Variants in KCNJ6 observed in about 807,000 individuals in gnomAD.
KCNJ6 encodes the protein potassium inwardly rectifying channel subfamily J member 6, also known as G protein-activated inward rectifier potassium channel 2.
A neutral mutation model predicts 34.2 loss-of-function variants in KCNJ6; 9 were observed. The ratio of observed to expected loss-of-function variants is 0.26; its 90% CI spans 0.16 to 0.46. The LOEUF (loss-of-function observed/expected upper bound fraction) is 0.46. KCNJ6 is among the 20% of genes least tolerant of loss of function. The pLI is 1.00. For synonymous variants in KCNJ6, 196 were observed against 207.1 expected (o/e 0.95, Z 0.46); for missense variants, 236 against 531.3 (o/e 0.44, Z 5.46).
intron 1 of KCNJ6, among the ~76,000 whole-genome samples, chr21:37,904,269 T>G (rs1206859596): frequency 1.3e-5 from 2 of 152,198 alleles, no homozygotes; most frequent in Non-Finnish European, 2.9e-5. Context: ...ATTATCCCAG[T>G]GGCCAAGATA....
At chr21:37,666,452 T>C (rs2054514122) in intron 3 of KCNJ6, among the ~76,000 whole-genome samples, 1 of 152,094 alleles carries the variant, frequency 6.6e-6, no homozygotes, top group Non-Finnish European at 1.5e-5. Context: ...GCAAGTCACC[T>C]TGCCTCTCTG....
chr21:37,625,513 A>C, intron 3 of KCNJ6, 29 bp from the exon 4 acceptor site: 1 of 1,561,366 alleles, frequency 6.4e-7, no homozygotes, highest in African/African-American at 1.4e-5. Context: ...AGGCTTTAGC[A>C]TATGTAAGTG....
intron 1 of KCNJ6, among the ~76,000 whole-genome samples, chr21:37,852,292 T>C (rs542664029): frequency 1.1e-3 from 169 of 152,266 alleles, no homozygotes; most frequent in African/African-American, 3.9e-3. Flanking sequence ...GTTCTGGTAA[T>C]AATGAGGTAT....
At chr21:37,691,362 G>A (rs2054638975) in intron 3 of KCNJ6, among the ~76,000 whole-genome samples, 1 of 152,154 alleles carries the variant, frequency 6.6e-6, no homozygotes, top group Non-Finnish European at 1.5e-5. Context: ...CTTATTGGGG[G>A]CTGTGATGCT....
intron 2 of KCNJ6, among the ~76,000 whole-genome samples, chr21:37,737,518 A>C (rs1353390824): frequency 6.6e-6 from 1 of 152,250 alleles, no homozygotes; most frequent in African/African-American, 2.4e-5. Flanking sequence ...TTTTCCTAGC[A>C]ATAACCTTGC....
At chr21:37,873,562 C>G (rs573679113) in intron 1 of KCNJ6, among the ~76,000 whole-genome samples, 1 of 152,212 alleles carries the variant, frequency 6.6e-6, no homozygotes, top group Non-Finnish European at 1.5e-5. Flanking sequence ...TGTGCATACT[C>G]GTCTAGGCTT....
intron 1 of KCNJ6, among the ~76,000 whole-genome samples, chr21:37,903,505 G>A (rs1267327003): frequency 1.3e-5 from 2 of 152,106 alleles, no homozygotes; most frequent in Non-Finnish European, 2.9e-5. Context: ...AATGCAATTG[G>A]CCATCTTATG....
At chr21:37,721,330 T>A (rs1047836348) in intron 2 of KCNJ6, among the ~76,000 whole-genome samples, 3 of 151,970 alleles carry the variant, frequency 2.0e-5, no homozygotes, top group South Asian at 4.2e-4. Context: ...CTGGTGGGAG[T>A]GTAAAACAGT....
chr21:37,779,483 G>A (rs772023602), intron 2 of KCNJ6, among the ~76,000 whole-genome samples: 1 of 152,166 alleles, frequency 6.6e-6, no homozygotes, highest in African/African-American at 2.4e-5. Context: ...CCCCTAACCT[G>A]TCTGATTGCA....
rs2054273714 is a variant in KCNJ6, at chr21:37,617,095, C to CG, written c.*8063_*8064insC. ...TTCTTTTCTTTCTTTTTCTTTCTTT[C>CG]TTTTCTTTCTTTCTTTCCTTCTTCC... On this transcript the variant is annotated 3_prime_UTR_variant, in exon 4 of 4. Transcript: ENST00000609713. 1 of 40,768 alleles carries CG rather than the reference C, an allele frequency of 2.5e-5. No individual in the cohort carries two copies. 2.5% of individuals were successfully genotyped at this position (40,768 alleles called of 1,614,324 possible).
intron 2 of KCNJ6, among the ~76,000 whole-genome samples, chr21:37,750,386 C>T (rs1198469709): frequency 6.6e-6 from 1 of 152,138 alleles, no homozygotes; most frequent in South Asian, 2.1e-4. Context: ...TGGGTATATA[C>T]CCAAAGGATT....
chr21:37,818,449 C>A (rs928156980), intron 2 of KCNJ6, among the ~76,000 whole-genome samples: 1 of 148,340 alleles, frequency 6.7e-6, no homozygotes, highest in Non-Finnish European at 1.5e-5. Flanking sequence ...TCCTAATCAG[C>A]TAGCGGCACC....
intron 2 of KCNJ6, among the ~76,000 whole-genome samples, chr21:37,769,180 A>C (rs917222539): frequency 1.3e-5 from 2 of 152,304 alleles, no homozygotes; most frequent in African/African-American, 4.8e-5. Context: ...CAGTGTGGGC[A>C]GGCAATTTCC....
At chr21:37,731,657 C>G (rs2054886205) in intron 2 of KCNJ6, among the ~76,000 whole-genome samples, 2 of 152,138 alleles carry the variant, frequency 1.3e-5, no homozygotes, top group Non-Finnish European at 2.9e-5. Flanking sequence ...TTTTTATTAA[C>G]CAAACAGCAC....
intron 2 of KCNJ6, among the ~76,000 whole-genome samples, chr21:37,760,573 G>A (rs972258614): frequency 3.3e-5 from 5 of 152,228 alleles, no homozygotes; most frequent in Admixed American, 3.3e-4. Flanking sequence ...TCCACACAGG[G>A]CAGGGGTGCA....
At chr21:37,787,115 C>T (rs910787701) in intron 2 of KCNJ6, among the ~76,000 whole-genome samples, 2 of 152,070 alleles carry the variant, frequency 1.3e-5, no homozygotes, top group African/African-American at 2.4e-5. Flanking sequence ...GAATTCAGGC[C>T]AGCATCTCAG....
chr21:37,607,482 A>ATATATATATATATATTTTTT lies in KCNJ6; in HGVS notation c.*17676_*17677insAAAAAATATATATATATATA. 181 of 136,698 alleles carry ATATATATATATATATTTTTT rather than the reference A, an allele frequency of 1.3e-3. No homozygotes were observed. The highest frequency in any genetic ancestry group is 2.1e-3 in the Non-Finnish European group (137 of 64,720). 8.5% of individuals were successfully genotyped at this position (136,698 alleles called of 1,614,324 possible). On this transcript the variant is annotated 3_prime_UTR_variant, in exon 4 of 4. Coordinates refer to ENST00000609713, the MANE Select transcript of KCNJ6 (RefSeq NM_002240.5). ...CTTAAAGATATATATATATATATAT[A>ATATATATATATATATTTTTT]TTTTTTTTTTATTTTAAAAAAATTT...
intron 3 of KCNJ6, among the ~76,000 whole-genome samples, chr21:37,691,527 G>T (rs1361896365): frequency 6.6e-6 from 1 of 152,228 alleles, no homozygotes; most frequent in Non-Finnish European, 1.5e-5. Flanking sequence ...GGGAGCATCA[G>T]CTGAGACCGA....
At chr21:37,658,046 C>G (rs1217834269) in intron 3 of KCNJ6, among the ~76,000 whole-genome samples, 2 of 152,230 alleles carry the variant, frequency 1.3e-5, no homozygotes, top group Non-Finnish European at 2.9e-5. Flanking sequence ...AAACGAGGCT[C>G]TTATTCCTGC....
Sources: allele counts gnomAD v4.1 joint callset (sites outside exome capture counted in the v4.1 genomes callset), GRCh38; gene constraint gnomAD v4.1.1; transcripts MANE v1.5; gene names NCBI Gene and HGNC (gene_info 2026-07-23, HGNC 2026-07-21).